Variants in NDUFS4 observed in about 807,000 individuals in gnomAD.
The protein encoded by NDUFS4 is NADH dehydrogenase [ubiquinone] iron-sulfur protein 4, mitochondrial.
NDUFS4 carries 28 observed loss-of-function variants against 24.3 expected under a neutral mutation model. The observed-to-expected ratio is 1.15, with a 90% confidence interval of 0.85 to 1.58. NDUFS4 has a LOEUF of 1.58. Among genes scored for constraint, NDUFS4 ranks in the 40% most tolerant of loss-of-function variants. The probability of loss-of-function intolerance (pLI) is 0.00; values close to 1 mark genes in which losing one functional copy is unlikely to be tolerated. For synonymous variants in NDUFS4, 93 were observed against 69.7 expected, an observed-to-expected ratio of 1.34 and a Z score of -1.67; for missense variants, 223 against 207.9, an observed-to-expected ratio of 1.07 and a Z score of -0.45.
At chr5:53,598,844 G>C (rs1267113181) in intron 1 of NDUFS4, among the ~76,000 whole-genome samples, 1 of 152,100 alleles carries the variant, frequency 6.6e-6, no homozygotes, top group African/African-American at 2.4e-5. Flanking sequence ...TAAATGGCTT[G>C]TACGCTTATA....
chr5:53,639,688 A>C (rs1378486181), intron 2 of NDUFS4, among the ~76,000 whole-genome samples: 1 of 152,194 alleles, frequency 6.6e-6, no homozygotes, highest in Non-Finnish European at 1.5e-5. Context: ...AAAGCTAAGC[A>C]TCATTTTATT....
chr5:53,587,261 T>C (rs1362213231), intron 1 of NDUFS4, among the ~76,000 whole-genome samples: 1 of 152,074 alleles, frequency 6.6e-6, no homozygotes, highest in Non-Finnish European at 1.5e-5. Context: ...TTTAAGAAAA[T>C]ATATTATTCT....
At chr5:53,609,073 C>CA (rs1309668453) in intron 2 of NDUFS4, among the ~76,000 whole-genome samples, 2 of 152,156 alleles carry the variant, frequency 1.3e-5, no homozygotes, top group Non-Finnish European at 2.9e-5. Flanking sequence ...GTTTTGGACT[C>CA]AGTTTCTTTC....
chr5:53,679,708 T>C (rs1740592751), intron 4 of NDUFS4, among the ~76,000 whole-genome samples: 1 of 152,180 alleles, frequency 6.6e-6, no homozygotes, highest in South Asian at 2.1e-4. Flanking sequence ...TGTATATTAC[T>C]ATTTCCTAGA....
intron 1 of NDUFS4, among the ~76,000 whole-genome samples, chr5:53,582,187 A>C (rs1460786592): frequency 2.0e-5 from 3 of 151,082 alleles, no homozygotes; most frequent in African/African-American, 7.3e-5. Flanking sequence ...CTCCAGCCTG[A>C]GCAACAGAGT....
chr5:53,568,136 G>T (rs1263315269), intron 1 of NDUFS4, among the ~76,000 whole-genome samples: 3 of 151,922 alleles, frequency 2.0e-5, no homozygotes, highest in Non-Finnish European at 4.4e-5. Flanking sequence ...ATGACTTTAG[G>T]TTCTTTAGAA....
chr5:53,661,458 G>T (rs1043359041), intron 4 of NDUFS4, among the ~76,000 whole-genome samples: 2 of 152,052 alleles, frequency 1.3e-5, no homozygotes, highest in East Asian at 1.9e-4. Context: ...TTGTTCTTTT[G>T]GCTTAGGATT....
intron 1 of NDUFS4, among the ~76,000 whole-genome samples, chr5:53,597,262 C>T (rs762123225): frequency 3.3e-5 from 5 of 152,250 alleles, no homozygotes; most frequent in Non-Finnish European, 7.4e-5. Flanking sequence ...AAACAATATT[C>T]TAAGAGACAG....
At chr5:53,609,394 T>C (rs1750628958) in intron 2 of NDUFS4, among the ~76,000 whole-genome samples, 1 of 152,194 alleles carries the variant, frequency 6.6e-6, no homozygotes, top group South Asian at 2.1e-4. Flanking sequence ...TTGAAAATAA[T>C]CTTTTTTTCT....
intron 4 of NDUFS4, among the ~76,000 whole-genome samples, chr5:53,661,592 A>G (rs1196252413): frequency 6.6e-6 from 1 of 152,188 alleles, no homozygotes; most frequent in African/African-American, 2.4e-5. Flanking sequence ...TACCTTGGGC[A>G]GTATGGCCAT....
chr5:53,609,603 G>T (rs1397097293), intron 2 of NDUFS4, among the ~76,000 whole-genome samples: 1 of 152,122 alleles, frequency 6.6e-6, no homozygotes, highest in African/African-American at 2.4e-5. Context: ...CCTGTCCTTT[G>T]AAGCTTTGAA....
intron 2 of NDUFS4, among the ~76,000 whole-genome samples, chr5:53,627,215 C>T (rs1040777159): frequency 3.9e-5 from 6 of 152,128 alleles, no homozygotes; most frequent in Admixed American, 3.9e-4. Flanking sequence ...GTTTCTGAGG[C>T]CTCTGTTCTG....
intron 2 of NDUFS4, among the ~76,000 whole-genome samples, chr5:53,611,185 A>G (rs754458029): frequency 2.6e-4 from 40 of 151,660 alleles, no homozygotes; most frequent in Non-Finnish European, 4.7e-4. Context: ...TGCTAATACA[A>G]GTACAAAGAA....
At chr5:53,626,104 T>C (rs1293335202) in intron 2 of NDUFS4, among the ~76,000 whole-genome samples, 1 of 152,184 alleles carries the variant, frequency 6.6e-6, no homozygotes, top group East Asian at 1.9e-4. Flanking sequence ...TTCTCATTGT[T>C]CAACTCCCAC....
At chr5:53,629,493 A>C (rs911258890) in intron 2 of NDUFS4, among the ~76,000 whole-genome samples, 1 of 152,110 alleles carries the variant, frequency 6.6e-6, no homozygotes, top group Non-Finnish European at 1.5e-5. Flanking sequence ...AAAGTCTTCC[A>C]GTGTTATTGT....
At chr5:53,598,418 G>A (rs1750197140) in intron 1 of NDUFS4, among the ~76,000 whole-genome samples, 1 of 152,124 alleles carries the variant, frequency 6.6e-6, no homozygotes, top group African/African-American at 2.4e-5. Context: ...ATGTGAGTTG[G>A]GTGATTCTTG....
chr5:53,667,264 G>A (rs746786595), intron 4 of NDUFS4, among the ~76,000 whole-genome samples: 1 of 152,062 alleles, frequency 6.6e-6, no homozygotes, highest in Non-Finnish European at 1.5e-5. Context: ...TCAGGAGTTT[G>A]AGATCAGCCT....
intron 2 of NDUFS4, among the ~76,000 whole-genome samples, chr5:53,644,921 C>G (rs909074610): frequency 6.6e-6 from 1 of 152,014 alleles, no homozygotes; most frequent in African/African-American, 2.4e-5. Flanking sequence ...AGATAATAGT[C>G]AAGTCAGAAA....
chr5:53,571,339 C>G (rs1749203307), intron 1 of NDUFS4, among the ~76,000 whole-genome samples: 1 of 152,144 alleles, frequency 6.6e-6, no homozygotes, highest in Admixed American at 6.5e-5. Context: ...ATAATGTTTT[C>G]AAGGTTTATC....
Sources: gnomAD v4.1 joint callset for allele counts (sites outside exome capture counted in the v4.1 genomes callset) on GRCh38, gnomAD v4.1.1 for gene constraint, MANE v1.5 for transcripts, NCBI Gene and HGNC (gene_info 2026-07-23, HGNC 2026-07-21) for gene names.